The following NUDT3 variants were observed in gnomAD, a reference collection of about 807,000 sequenced individuals.
The protein encoded by NUDT3 is nudix hydrolase 3.
NUDT3 carries 9 observed loss-of-function variants against 23.6 expected under a neutral mutation model. The observed-to-expected ratio is 0.38, with a 90% confidence interval of 0.23 to 0.66. The LOEUF is 0.66. Among genes scored for constraint, NUDT3 ranks in the 30% least tolerant of loss-of-function variants. NUDT3 has a pLI of 0.52. For missense variants in NUDT3, 172 were observed against 218.5 expected (o/e 0.79, Z 1.34); for synonymous variants, 86 against 82.6 (o/e 1.04, Z -0.22).
chr6:34,341,720 A>G, intron 2 of NUDT3, 142 bp downstream of exon 2: 2 of 614,594 alleles, frequency 3.3e-6, no homozygotes, highest in Admixed American at 3.6e-5. Context: ...CCGGTAATAA[A>G]GGAGGGACCG....
In NUDT3 at chr6:34,351,087, C is replaced by A. The variant is rs1224525135; in HGVS notation, c.100-9115G>T. Among the ~76,000 whole-genome samples the A allele has an allele frequency of 2.1e-5, 3 of 140,432 alleles. 1 individual carries two copies. The highest frequency in any genetic ancestry group is 5.5e-5 in the African/African-American group (2 of 36,654). 92.1% of individuals were successfully genotyped at this position (140,432 alleles called of 152,430 possible). On this transcript the variant is annotated intron_variant, in intron 1 of 4. Coordinates refer to ENST00000607016, the MANE Select transcript of NUDT3 (RefSeq NM_006703.4). ...TTTGGTGGCCAGGCGCGGTGGCTCA[C>A]CCCTGTAATCCCAGCACTCTGGGAG...
chr6:34,323,578 G>T (rs1763978162), intron 2 of NUDT3, among the ~76,000 whole-genome samples: 1 of 151,708 alleles, frequency 6.6e-6, no homozygotes, highest in African/African-American at 2.4e-5. Context: ...AAAAAAAAGA[G>T]AAAAGAAACA....
chr6:34,295,340 T>C (rs962051186), intron 3 of NUDT3, among the ~76,000 whole-genome samples: 15 of 152,000 alleles, frequency 9.9e-5, no homozygotes, highest in East Asian at 3.9e-4. Context: ...CTGGGCAACA[T>C]GGCAAGACCC....
intron 1 of NUDT3, among the ~76,000 whole-genome samples, chr6:34,344,989 G>A (rs1764342562): frequency 6.6e-6 from 1 of 151,838 alleles, no homozygotes; most frequent in South Asian, 2.1e-4. Context: ...TATGTTACAT[G>A]AATTCCATTT....
At chr6:34,368,544 C>G (rs556914516) in intron 1 of NUDT3, among the ~76,000 whole-genome samples, 1 of 152,204 alleles carries the variant, frequency 6.6e-6, no homozygotes, top group Non-Finnish European at 1.5e-5. Flanking sequence ...AACAAAAACA[C>G]AGTATAGATG....
chr6:34,307,711 A>G (rs1188788924), intron 2 of NUDT3, among the ~76,000 whole-genome samples: 1 of 152,240 alleles, frequency 6.6e-6, no homozygotes, highest in Non-Finnish European at 1.5e-5. Flanking sequence ...CACAAAAGGC[A>G]GAGAAAGAAT....
intron 2 of NUDT3, among the ~76,000 whole-genome samples, chr6:34,311,606 G>A (rs531172994): frequency 1.3e-5 from 2 of 152,262 alleles, no homozygotes; most frequent in African/African-American, 4.8e-5. Flanking sequence ...AGATGCAAAA[G>A]CCCAGACAGT....
At chr6:34,345,004 TAAAA>T (rs1039771848) in intron 1 of NUDT3, among the ~76,000 whole-genome samples, 1 of 150,998 alleles carries the variant, frequency 6.6e-6, no homozygotes, top group African/African-American at 2.4e-5. Context: ...CCATTTTGAT[TAAAA>T]AAAAAGAAAA....
intron 2 of NUDT3, among the ~76,000 whole-genome samples, chr6:34,303,582 T>C (rs1280579070): frequency 1.3e-5 from 2 of 152,186 alleles, no homozygotes; most frequent in African/African-American, 4.8e-5. Flanking sequence ...ATGTTTGCTA[T>C]TGGTTTTATT....
intron 1 of NUDT3, among the ~76,000 whole-genome samples, chr6:34,379,593 TACAG>T (rs1282280918): frequency 1.3e-5 from 2 of 152,166 alleles, no homozygotes; most frequent in South Asian, 4.2e-4. Context: ...AGTTTTTTTG[TACAG>T]ACAGGGTCTT....
At chr6:34,347,642 G>C (rs954744153) in intron 1 of NUDT3, among the ~76,000 whole-genome samples, 1 of 152,176 alleles carries the variant, frequency 6.6e-6, no homozygotes, top group African/African-American at 2.4e-5. Flanking sequence ...AATACAGCAG[G>C]AACACCATTG....
At chr6:34,368,073 T>G (rs1764767384) in intron 1 of NUDT3, among the ~76,000 whole-genome samples, 1 of 152,086 alleles carries the variant, frequency 6.6e-6, no homozygotes, top group Non-Finnish European at 1.5e-5. Context: ...TGGTGGCATG[T>G]GCCTGTAGTC....
Position 34,288,678 on chromosome 6 carries a change from A to G in NUDT3, c.*75T>C. 6.6e-7 allele frequency: 1 copy of G among 1,521,304 alleles called. No individual in the cohort carries two copies. The highest frequency in any genetic ancestry group is 2.2e-5 in the Admixed American group (1 of 44,762). The allele number at this position is 1,521,304 out of a possible 1,614,324, so 94.2% of individuals were successfully genotyped here. A position where few individuals can be genotyped will look rare whatever the true frequency, so the allele number is the denominator to read the frequency against. On this transcript the variant is annotated 3_prime_UTR_variant, in exon 5 of 5. Coordinates refer to ENST00000607016, the MANE Select transcript of NUDT3 (RefSeq NM_006703.4). ...AAGAGGAGGCCTGTGAGAAGTGGAA[A>G]GAGCCAGGGTGAGAGGGAAGATTTG...
chr6:34,342,032 T>G (rs974289032), intron 1 of NUDT3, 60 bp from the exon 2 acceptor site: 1 of 1,492,880 alleles, frequency 6.7e-7, no homozygotes, highest in East Asian at 2.3e-5. Flanking sequence ...TCCACACAAA[T>G]TCAGAGTTTA....
intron 1 of NUDT3, among the ~76,000 whole-genome samples, chr6:34,367,369 C>T (rs1388955568): frequency 6.6e-6 from 1 of 151,748 alleles, no homozygotes; most frequent in Non-Finnish European, 1.5e-5. Flanking sequence ...GCGATCCCAG[C>T]TACTTGGGAG....
chr6:34,293,363 G>C, intron 4 of NUDT3, 88 bp downstream of exon 4: 2 of 1,495,864 alleles, frequency 1.3e-6, no homozygotes, highest in Non-Finnish European at 1.9e-6. Flanking sequence ...AGCCTGGTAC[G>C]CTCTTGTTTC....
Position 34,284,716 on chromosome 6 carries a change from G to C in NUDT3, c.*4037C>G, listed in dbSNP as rs1265. On this transcript the variant is annotated 3_prime_UTR_variant, in exon 5 of 5. Coordinates refer to ENST00000607016, the MANE Select transcript of NUDT3 (RefSeq NM_006703.4). ...GAGCCTCCAATGAGCACTGTATGTA[G>C]AGAAAAGGGAAGGAGCAGGAGGAGG... 0.094 allele frequency: 14,372 copies of C among 152,116 alleles called. 781 individuals carry two copies. The highest frequency in any genetic ancestry group is 0.12 in the Non-Finnish European group (8,041 of 67,980). The allele number at this position is 152,116 out of a possible 1,614,324, so 9.4% of individuals were successfully genotyped here. A position where few individuals can be genotyped will look rare whatever the true frequency, so the allele number is the denominator to read the frequency against.
At chr6:34,297,083 C>T in intron 2 of NUDT3, among the ~76,000 whole-genome samples, 1 of 151,924 alleles carries the variant, frequency 6.6e-6, no homozygotes, top group East Asian at 1.9e-4. Flanking sequence ...AGGTGCCCGC[C>T]ACCACGCCCG....
chr6:34,388,269 G>A (rs972928842), intron 1 of NUDT3, among the ~76,000 whole-genome samples: 6 of 152,044 alleles, frequency 3.9e-5, no homozygotes, highest in Non-Finnish European at 8.8e-5. Context: ...TATCCCCAAC[G>A]TTAAGCGACA....
Sources: allele counts gnomAD v4.1 joint callset (sites outside exome capture counted in the v4.1 genomes callset), GRCh38; gene constraint gnomAD v4.1.1; transcripts MANE v1.5; gene names NCBI Gene and HGNC (gene_info 2026-07-23, HGNC 2026-07-21).